Variants in SEL1L3 observed in about 807,000 individuals in gnomAD.
The protein encoded by SEL1L3 is protein sel-1 homolog 3.
A neutral mutation model predicts 142.8 loss-of-function variants in SEL1L3; 76 were observed. That is an observed-to-expected ratio of 0.53 (90% CI 0.44 to 0.64). The LOEUF is 0.64. Ranked by LOEUF, SEL1L3 falls within the 30% of genes least tolerant of loss-of-function variation. SEL1L3 has a pLI of 0.00. For missense variants in SEL1L3, 1,262 were observed against 1,381.7 expected (o/e 0.91, Z 1.37); for synonymous variants, 504 against 519.6 (o/e 0.97, Z 0.41).
chr4:25,816,995 A>G (rs1577650764), intron 9 of SEL1L3, among the ~76,000 whole-genome samples: 1 of 152,288 alleles, frequency 6.6e-6, no homozygotes, highest in East Asian at 1.9e-4. Context: ...ATTAGCTTCT[A>G]TATCTTTAAT....
intron 8 of SEL1L3, among the ~76,000 whole-genome samples, chr4:25,819,063 A>C (rs951216780): frequency 1.3e-5 from 2 of 152,256 alleles, no homozygotes; most frequent in African/African-American, 4.8e-5. Flanking sequence ...CAAAGGTCCC[A>C]CAGGAATTTC....
chr4:25,801,356 T>C (rs993227811), intron 11 of SEL1L3, among the ~76,000 whole-genome samples: 1 of 152,220 alleles, frequency 6.6e-6, no homozygotes, highest in Non-Finnish European at 1.5e-5. Context: ...TGAGCCAAGA[T>C]TGCGCCACTG....
At chr4:25,729,910 TTTCTTCTTCTTCTTCTCC>T in the SEL1L3 span, among the ~76,000 whole-genome samples, 2 of 151,344 alleles carry the variant, frequency 1.3e-5, no homozygotes, top group South Asian at 2.1e-4. Flanking sequence ...AGTTGACATC[TTTCTTCTTCTTCTTCTCC>T]TTCTTCTTCT....
chr4:25,804,476 C>T (rs1361578348), intron 10 of SEL1L3, 65 bp downstream of exon 10: 18 of 1,223,528 alleles, frequency 1.5e-5, no homozygotes, highest in East Asian at 5.0e-5. Context: ...ACCAGGGGCA[C>T]GAGAGCATTG....
chr4:25,808,563 G>A (rs536455271), intron 9 of SEL1L3, among the ~76,000 whole-genome samples: 1 of 152,016 alleles, frequency 6.6e-6, no homozygotes, highest in Non-Finnish European at 1.5e-5. Flanking sequence ...TAGGAAAGTC[G>A]TTTTTAGTTT....
intron 9 of SEL1L3, among the ~76,000 whole-genome samples, chr4:25,811,767 G>T (rs201324244): frequency 0.076 from 6,785 of 88,980 alleles, 293 homozygotes; most frequent in African/African-American, 0.16. Flanking sequence ...TTTTTTTTTT[G>T]TTGTTGTTGT....
At chr4:25,822,861 G>C (rs1204182121) in intron 6 of SEL1L3, among the ~76,000 whole-genome samples, 1 of 152,228 alleles carries the variant, frequency 6.6e-6, no homozygotes, top group African/African-American at 2.4e-5. Flanking sequence ...GAGAACCCCG[G>C]TGTCTGTCAG....
chr4:25,731,504 C>A, the SEL1L3 span, among the ~76,000 whole-genome samples: 3 of 152,114 alleles, frequency 2.0e-5, no homozygotes, highest in African/African-American at 7.2e-5. Context: ...TGCCTTCTAC[C>A]CCCACACTTC....
intron 2 of SEL1L3, among the ~76,000 whole-genome samples, chr4:25,840,260 G>A (rs1293078294): frequency 6.6e-6 from 1 of 152,102 alleles, no homozygotes; most frequent in Non-Finnish European, 1.5e-5. Context: ...TGTTATTACT[G>A]AAAAATTCAG....
At position 25,862,736 on chromosome 4, in the gene SEL1L3, C is replaced by A. The variant is rs2109335874; in HGVS notation, c.101G>T (p.Gly34Val). The stretch of plus-strand genomic sequence containing the variant: ...GCCGCCGAGGCCCTGGGGGACGCCG[C>A]CACTCGGGACCATGGCTGCGGCCCG... ...GPRAAAMVPS[G>V]GVPQGLGGRS... Residue 34 changes from glycine (G) to valine (V), a missense_variant, in exon 1 of 24, where the codon GGC becomes GTC. Transcript: ENST00000399878. 7.9e-7 allele frequency: 1 copy of A among 1,259,388 alleles called. No homozygotes were observed. Among genetic ancestry groups the A allele is most frequent in the South Asian group, 2.8e-5 (1 of 35,992 alleles). 78.0% of individuals were successfully genotyped at this position (1,259,388 alleles called of 1,614,324 possible). A position where few individuals can be genotyped will look rare whatever the true frequency, so the allele number is the denominator to read the frequency against.
the SEL1L3 span, among the ~76,000 whole-genome samples, chr4:25,722,583 C>A: frequency 6.7e-6 from 1 of 150,078 alleles, no homozygotes; most frequent in Non-Finnish European, 1.5e-5. Flanking sequence ...GACACCATTT[C>A]GATCATAAGA....
At position 25,748,578 on chromosome 4, in the gene SEL1L3, T is replaced by C. The variant is rs369037095; in HGVS notation, c.3260-14A>G. ...GGGGATCGCTTGCTGCAGAGACACA[T>C]GCACAACAGGTGCTGAATACTCAAA... is the stretch of plus-strand genomic sequence containing the variant. On this transcript the variant is annotated splice_polypyrimidine_tract_variant and intron_variant, in intron 23 of 23. Transcript: ENST00000399878. 4 of 1,605,358 alleles carry C rather than the reference T, an allele frequency of 2.5e-6. No homozygotes were observed.
chr4:25,858,576 T>TTTTG (rs372387427), intron 1 of SEL1L3, among the ~76,000 whole-genome samples: 2,365 of 151,896 alleles, frequency 0.016, 62 homozygotes, highest in African/African-American at 0.052. Context: ...TTTTTGATTT[T>TTTTG]TTTGTTTGTT....
intron 12 of SEL1L3, among the ~76,000 whole-genome samples, chr4:25,789,398 A>G (rs1712112819): frequency 6.6e-6 from 1 of 152,006 alleles, no homozygotes; most frequent in Non-Finnish European, 1.5e-5. Context: ...TGGGCAACAT[A>G]GCAAGACCCC....
chr4:25,798,606 T>A (rs561932069), intron 11 of SEL1L3, among the ~76,000 whole-genome samples: 1 of 152,252 alleles, frequency 6.6e-6, no homozygotes, highest in East Asian at 1.9e-4. Flanking sequence ...GGTAGGCGGA[T>A]CACCTGAAGT....
chr4:25,769,799 A>G (rs983019179), intron 17 of SEL1L3, among the ~76,000 whole-genome samples: 1 of 152,150 alleles, frequency 6.6e-6, no homozygotes, highest in Non-Finnish European at 1.5e-5. Context: ...ACTGGCTGGG[A>G]TGTGGCTCGT....
At chr4:25,854,460 T>G (rs531518552) in intron 1 of SEL1L3, among the ~76,000 whole-genome samples, 2 of 152,178 alleles carry the variant, frequency 1.3e-5, no homozygotes, top group East Asian at 3.9e-4. Flanking sequence ...ATATTTTTAG[T>G]AGAGACCGAG....
chr4:25,775,004 C>T (rs577181831), intron 17 of SEL1L3, among the ~76,000 whole-genome samples: 11 of 152,048 alleles, frequency 7.2e-5, no homozygotes, highest in Middle Eastern at 3.2e-3. Flanking sequence ...ATAAACACTC[C>T]GATATCTGAA....
Position 25,775,876 on chromosome 4 carries a change from C to T in SEL1L3, c.2669+401G>A, listed in dbSNP as rs140170046. 8.8e-3 allele frequency among the ~76,000 whole-genome samples: 1,338 copies of T among 152,298 alleles called. 18 individuals carry two copies. The highest frequency in any genetic ancestry group is 0.029 in the African/African-American group (1,212 of 41,564). ...TGGCCTGAACCTTAAACACTGATCT[C>T]TCTTCTTGCTAGGAACAAGGTAGAA... On this transcript the variant is annotated intron_variant, in intron 17 of 23. Coordinates refer to ENST00000399878, the MANE Select transcript of SEL1L3 (RefSeq NM_015187.5).
Sources: gnomAD v4.1 joint callset for allele counts (sites outside exome capture counted in the v4.1 genomes callset) on GRCh38, gnomAD v4.1.1 for gene constraint, MANE v1.5 for transcripts, NCBI Gene and HGNC (gene_info 2026-07-23, HGNC 2026-07-21) for gene names.